The following ETS1 variants were observed in gnomAD, a reference collection of about 807,000 sequenced individuals.
ETS1 encodes the protein ETS proto-oncogene 1, transcription factor.
ETS1 carries 15 observed loss-of-function variants against 58.6 expected under a neutral mutation model. The ratio of observed to expected loss-of-function variants is 0.26; its 90% CI spans 0.17 to 0.39. ETS1 has a LOEUF of 0.39. Among genes scored for constraint, ETS1 ranks in the 10% least tolerant of loss-of-function variants. The pLI, the probability that ETS1 is intolerant of heterozygous loss-of-function variation, is 1.00. For synonymous variants in ETS1, 214 were observed against 218.2 expected, an observed-to-expected ratio of 0.98 and a Z score of 0.17; for missense variants, 417 against 610.5, an observed-to-expected ratio of 0.68 and a Z score of 3.34.
rs1862734733 is a variant in ETS1 at position 128,489,418 on chromosome 11, C to T, written c.407G>A (p.Gly136Asp). The stretch of plus-strand genomic sequence containing the variant: ...CATACAGAACTTCTGGAAGTCTACA[C>T]CTTTCAGGCTGAATTCATTCACAGC... Reference protein sequence around the residue: ...MWAVNEFSLKGVDFQKFCMNG... With the variant: ...MWAVNEFSLKDVDFQKFCMNG... Residue 136 changes from glycine to aspartate, a missense_variant, in exon 5 of 10, where the codon GGT becomes GAT. Physicochemically the swap from Gly to Asp is moderately conservative, Grantham distance 94. This residue lies in a region of ETS1 where 132 missense variants were observed against 212.1 expected (regional missense o/e 0.62). Transcript: ENST00000392668. The T allele has an allele frequency of 1.2e-6, 2 of 1,614,016 alleles. No individual in the cohort carries two copies. The highest frequency in any genetic ancestry group is 2.7e-5 in the African/African-American group (2 of 74,918).
chr11:128,491,687 A>T (rs2135463594), intron 3 of ETS1, among the ~76,000 whole-genome samples: 1 of 152,356 alleles, frequency 6.6e-6, no homozygotes, highest in Non-Finnish European at 1.5e-5. Flanking sequence ...CATTTTAGAA[A>T]GTTATTGCAT....
intron 3 of ETS1, among the ~76,000 whole-genome samples, chr11:128,550,289 G>T (rs947603424): frequency 4.6e-5 from 7 of 152,192 alleles, no homozygotes; most frequent in Non-Finnish European, 2.9e-5. Context: ...ATCTGAATAT[G>T]AAATAGTACC....
intron 2 of ETS1, among the ~76,000 whole-genome samples, chr11:128,561,801 C>T (rs956631856): frequency 8.6e-5 from 13 of 152,032 alleles, no homozygotes; most frequent in African/African-American, 2.7e-4. Flanking sequence ...GGAGTGAGGG[C>T]AACTTGGTGG....
intron 9 of ETS1, 29 bp from the exon 10 acceptor site, chr11:128,462,605 G>A (rs773267009): frequency 5.0e-6 from 8 of 1,590,924 alleles, no homozygotes; most frequent in Non-Finnish European, 6.9e-6. Flanking sequence ...AATAAAGGAG[G>A]AGTAGGCAAA....
At chr11:128,497,568 C>T in intron 3 of ETS1, 3 of 984,390 alleles carry the variant, frequency 3.0e-6, no homozygotes, top group Non-Finnish European at 3.6e-6. Context: ...GATTTGGTGA[C>T]TCACCAGGCT....
intron 2 of ETS1, among the ~76,000 whole-genome samples, chr11:128,561,643 T>A (rs1278759009): frequency 6.6e-6 from 1 of 152,206 alleles, no homozygotes; most frequent in Non-Finnish European, 1.5e-5. Context: ...GACATGATTT[T>A]ATGACTGATT....
intron 2 of ETS1, among the ~76,000 whole-genome samples, chr11:128,569,611 TAC>T (rs1864585907): frequency 6.6e-6 from 1 of 152,212 alleles, no homozygotes; most frequent in Non-Finnish European, 1.5e-5. Flanking sequence ...GTAGACAATT[TAC>T]AGATTCTCTG....
rs776830530 is a variant in ETS1, at chr11:128,463,661, A to C, written c.1124-34T>G. The C allele has an allele frequency of 7.6e-6, 9 of 1,182,602 alleles. No individual in the cohort carries two copies. Among genetic ancestry groups the C allele is most frequent in the Non-Finnish European group, 8.9e-6 (7 of 786,794 alleles). The allele number at this position is 1,182,602 out of a possible 1,614,324, so 73.3% of individuals were successfully genotyped here. A position where few individuals can be genotyped will look rare whatever the true frequency, so the allele number is the denominator to read the frequency against. On this transcript the variant is annotated intron_variant, in intron 8 of 9. Coordinates refer to ENST00000392668, the MANE Select transcript of ETS1 (RefSeq NM_001143820.2). The surrounding 1 kb of genome is among the most constrained non-coding windows in gnomAD (Gnocchi z 4.1). ...ACAAGCCATTGTGAATCATTACACC[A>C]GATATTCAGCACTCTACGCAGCTAA...
chr11:128,582,937 T>C (rs976129854), intron 1 of ETS1, among the ~76,000 whole-genome samples: 1 of 152,058 alleles, frequency 6.6e-6, no homozygotes, highest in Non-Finnish European at 1.5e-5. Context: ...TAGTGCAAGA[T>C]TTCTTGTTTG....
chr11:128,529,028 G>A (rs1863851841), intron 3 of ETS1: 1 of 152,222 alleles, frequency 6.6e-6, no homozygotes, highest in Non-Finnish European at 1.5e-5. Context: ...CTCAGAAGCA[G>A]TCTTCAGGAA....
intron 6 of ETS1, among the ~76,000 whole-genome samples, chr11:128,485,770 G>GT (rs754395520): frequency 1.3e-4 from 20 of 152,112 alleles, no homozygotes; most frequent in Non-Finnish European, 2.4e-4. Flanking sequence ...GTAGTGCACA[G>GT]TATCAAATAG....
At chr11:128,540,804 G>A (rs1864046211) in intron 3 of ETS1, among the ~76,000 whole-genome samples, 1 of 152,228 alleles carries the variant, frequency 6.6e-6, no homozygotes, top group Admixed American at 6.5e-5. Flanking sequence ...CAGATTGGGA[G>A]CCCCGTGTGG....
At chr11:128,499,244 AT>A (rs775720551) in intron 3 of ETS1, among the ~76,000 whole-genome samples, 1 of 152,100 alleles carries the variant, frequency 6.6e-6, no homozygotes, top group Non-Finnish European at 1.5e-5. Context: ...GGTTTACATA[AT>A]AGCCTTTGAG....
Position 128,479,363 on chromosome 11 carries a change from T to C in ETS1, c.1123+828A>G, listed in dbSNP as rs924325855. On this transcript the variant is annotated intron_variant, in intron 8 of 9. Coordinates refer to ENST00000392668, the MANE Select transcript of ETS1 (RefSeq NM_001143820.2). ...AAATAAGCTCTACTCACAACACACTTTCTAATTTTTAGAAAACACTACAAT... is the reference window on the plus strand; with the variant it reads ...AAATAAGCTCTACTCACAACACACTCTCTAATTTTTAGAAAACACTACAAT... Among the ~76,000 whole-genome samples, 3 of 152,214 alleles carry C rather than the reference T, an allele frequency of 2.0e-5. No individual in the cohort carries two copies. In the South Asian group the frequency reaches 6.2e-4, roughly 32 times the overall value.
chr11:128,556,230 C>G, intron 3 of ETS1, 61 bp downstream of exon 3: 1 of 1,415,448 alleles, frequency 7.1e-7, no homozygotes. Context: ...ATGCAGCCCT[C>G]ATCACATTTC....
At chr11:128,522,093 G>T in intron 3 of ETS1, 1 of 1,319,088 alleles carries the variant, frequency 7.6e-7, no homozygotes. Context: ...GGGGACGGGG[G>T]AAATCCGACT....
chr11:128,532,320 C>T (rs1159043203), intron 3 of ETS1, among the ~76,000 whole-genome samples: 7 of 152,338 alleles, frequency 4.6e-5, no homozygotes, highest in South Asian at 2.1e-4. Context: ...GTCAAACCAT[C>T]GGTGCTCTTA....
At chr11:128,478,944 C>T (rs947102005) in intron 8 of ETS1, among the ~76,000 whole-genome samples, 1 of 152,198 alleles carries the variant, frequency 6.6e-6, no homozygotes, top group Non-Finnish European at 1.5e-5. Context: ...AAAGTAAGGA[C>T]CTTTAAGTTC....
Position 128,587,491 on chromosome 11 carries a change from A to C in ETS1, c.-18T>G, listed in dbSNP as rs1359020162. 1 of 152,350 alleles carries C rather than the reference A, an allele frequency of 6.6e-6. No homozygotes were observed. Among genetic ancestry groups the C allele is most frequent in the African/African-American group, 2.4e-5 (1 of 41,452 alleles). 9.4% of individuals were successfully genotyped at this position (152,350 alleles called of 1,614,324 possible). A position where few individuals can be genotyped will look rare whatever the true frequency, so the allele number is the denominator to read the frequency against. ...TTAGGCAGAAACTGACACACACCTC[A>C]CTTACTACTTTGCCGGAGAGCAGAT... On this transcript the variant is annotated 5_prime_UTR_variant, in exon 1 of 10. Transcript: ENST00000392668.
Sources: allele counts gnomAD v4.1 joint callset (sites outside exome capture counted in the v4.1 genomes callset), GRCh38; gene constraint gnomAD v4.1.1; regional missense constraint gnomAD v4.1.1; non-coding constraint Gnocchi (gnomAD v3.1); transcripts MANE v1.5; gene names NCBI Gene and HGNC (gene_info 2026-07-23, HGNC 2026-07-21).